Variants in ZNF280C observed in about 807,000 individuals in gnomAD.
The protein encoded by ZNF280C is suppressor of hairy wing homolog 3.
Under a neutral mutation model 53.6 loss-of-function variants are expected in ZNF280C, and 14 were observed. The observed-to-expected ratio is 0.26, with a 90% confidence interval of 0.17 to 0.41. The LOEUF (loss-of-function observed/expected upper bound fraction) is 0.41, where lower values mean the gene tolerates loss of function less well. ZNF280C is among the 10% of genes least tolerant of loss of function. The probability of loss-of-function intolerance (pLI) is 1.00; values close to 1 mark genes in which losing one functional copy is unlikely to be tolerated. For synonymous variants in ZNF280C, 203 were observed against 181.1 expected (o/e 1.12, Z -0.97); for missense variants, 416 against 547.1 (o/e 0.76, Z 2.39).
intron 6 of ZNF280C, among the ~76,000 whole-genome samples, chrX:130,239,358 A>G (rs1273501685): frequency 9.0e-6 from 1 of 111,517 alleles, no homozygotes; most frequent in Non-Finnish European, 1.9e-5. Flanking sequence ...AGTGCAAAGA[A>G]TATGTGCTAG....
At position 130,215,987 on chromosome X, in the gene ZNF280C, T is replaced by C. The variant is rs778205421; in HGVS notation, c.1642A>G (p.Thr548Ala). 8.3e-7 allele frequency: 1 copy of C among 1,211,391 alleles called. No individual in the cohort carries two copies. Residue 548 changes from threonine (T) to alanine (A), a missense_variant, in exon 14 of 19, where the codon ACT (threonine) becomes GCT (alanine). This residue lies in a region of ZNF280C where 151 missense variants were observed against 176.9 expected (regional missense o/e 0.85). Coordinates refer to ENST00000370978, the MANE Select transcript of ZNF280C (RefSeq NM_017666.5). ...TTAGATTTTCTAGGATTTCTAGCAG[T>C]TGTATTTTGAGATGTCGGAGGTGTG... ...QVTPPTSQNT[T>A]ARNPRKSNAS...
intron 9 of ZNF280C, among the ~76,000 whole-genome samples, chrX:130,230,034 T>C (rs774257759): frequency 8.8e-4 from 99 of 112,113 alleles, no homozygotes; most frequent in African/African-American, 3.1e-3. Flanking sequence ...TGGGTTTTTA[T>C]CTTTTTTCAC....
At chrX:130,221,314 G>A (rs1293364045) in intron 12 of ZNF280C, among the ~76,000 whole-genome samples, 1 of 111,694 alleles carries the variant, frequency 9.0e-6, no homozygotes, top group Non-Finnish European at 1.9e-5. Flanking sequence ...GTAATAGACA[G>A]CAAATTAAGA....
chrX:130,266,162 T>C (rs1361686277), intron 1 of ZNF280C, among the ~76,000 whole-genome samples: 6 of 112,640 alleles, frequency 5.3e-5, no homozygotes, highest in Non-Finnish European at 9.4e-5. Flanking sequence ...ACAAATTTAA[T>C]GAGAAAAGTA....
chrX:130,264,926 A>G (rs1288812647), intron 1 of ZNF280C, among the ~76,000 whole-genome samples: 3 of 111,695 alleles, frequency 2.7e-5, no homozygotes, highest in African/African-American at 9.8e-5. Flanking sequence ...AGAAAACTGG[A>G]TTATATCTTG....
chrX:130,204,854 G>C lies in ZNF280C; in HGVS notation c.*123C>G, dbSNP rs1348086131. 9 of 532,697 alleles carry C rather than the reference G, an allele frequency of 1.7e-5. No homozygotes were observed. Among genetic ancestry groups the C allele is most frequent in the Non-Finnish European group, 2.3e-5 (8 of 348,704 alleles). The allele number at this position is 532,697 out of a possible 1,213,427, so 43.9% of individuals were successfully genotyped here. On this transcript the variant is annotated 3_prime_UTR_variant, in exon 19 of 19. Coordinates refer to ENST00000370978, the MANE Select transcript of ZNF280C (RefSeq NM_017666.5). Reference sequence around the variant, plus strand: ...AAAGCTGAAAAGAGCTGAATAATGAGAGCTAGTGTCATAAACTTGGCTGTT... The same window carrying C: ...AAAGCTGAAAAGAGCTGAATAATGACAGCTAGTGTCATAAACTTGGCTGTT...
intron 8 of ZNF280C, among the ~76,000 whole-genome samples, chrX:130,233,590 C>A (rs1276671612): frequency 1.0e-5 from 1 of 96,300 alleles, no homozygotes; most frequent in East Asian, 3.3e-4. Context: ...CCATTGCACT[C>A]TAGCCTGGGC....
chrX:130,236,386 A>C, intron 7 of ZNF280C, 66 bp from the exon 8 acceptor site: 1 of 1,123,897 alleles, frequency 8.9e-7, no homozygotes, highest in Admixed American at 2.6e-5. Flanking sequence ...GACCACTAAT[A>C]ATGGTTTTAA....
At chrX:130,215,433 A>G (rs2032090346) in intron 14 of ZNF280C, 100 bp from the exon 15 acceptor site, 3 of 862,657 alleles carry the variant, frequency 3.5e-6, no homozygotes, top group Non-Finnish European at 4.7e-6. Context: ...AAATGTTTAA[A>G]TTGGTATCTT....
chrX:130,251,888 C>T (rs903942088), intron 2 of ZNF280C, among the ~76,000 whole-genome samples: 1 of 111,409 alleles, frequency 9.0e-6, no homozygotes, highest in African/African-American at 3.3e-5. Context: ...CCGGGGTGGG[C>T]GGATCACTTG....
In ZNF280C at chrX:130,205,107, T is replaced by C; in HGVS notation, c.2198+10A>G. On this transcript the variant is annotated intron_variant, in intron 18 of 18. Transcript: ENST00000370978. ...CAAAGCAAAATGCACTGAAGGAAAA[T>C]TAAACTTACCCAGTAGTGGGTTCAG... 2 of 1,193,459 alleles carry C rather than the reference T, an allele frequency of 1.7e-6. No homozygotes were observed. Among genetic ancestry groups the C allele is most frequent in the Non-Finnish European group, 1.1e-6 (1 of 888,282 alleles).
At chrX:130,217,819 G>A (rs1447827286) in intron 13 of ZNF280C, among the ~76,000 whole-genome samples, 3 of 112,062 alleles carry the variant, frequency 2.7e-5, no homozygotes, top group African/African-American at 9.7e-5. Context: ...GAATAATTAG[G>A]AGTAAAAATT....
chrX:130,218,511 T>C (rs1297947472), intron 13 of ZNF280C, among the ~76,000 whole-genome samples: 2 of 112,746 alleles, frequency 1.8e-5, no homozygotes, highest in African/African-American at 6.4e-5. Flanking sequence ...ACTAACATTT[T>C]CTTTAATCAT....
chrX:130,230,287 C>A (rs1246062109), intron 9 of ZNF280C, among the ~76,000 whole-genome samples: 7 of 111,235 alleles, frequency 6.3e-5, no homozygotes, highest in Non-Finnish European at 5.7e-5. Context: ...TACATTTTGT[C>A]TTTTCTTAAG....
At chrX:130,255,996 G>C (rs1193370324) in intron 2 of ZNF280C, among the ~76,000 whole-genome samples, 1 of 111,156 alleles carries the variant, frequency 9.0e-6, no homozygotes, top group Non-Finnish European at 1.9e-5. Context: ...AGTCAGGCAT[G>C]GTGGTGTGCA....
In ZNF280C at chrX:130,249,157, C is replaced by T. The variant is rs760466822; in HGVS notation, c.32-2152G>A. ...ACATGTACAAAGAGTGCATACAGTC[C>T]TGCAACGGCCAGTGCCCCATCCCCA... On this transcript the variant is annotated intron_variant, in intron 2 of 18. Transcript: ENST00000370978. Among the ~76,000 whole-genome samples, 4 of 111,683 alleles carry T rather than the reference C, an allele frequency of 3.6e-5. No individual in the cohort carries two copies. In the South Asian group the frequency reaches 1.5e-3, roughly 43 times the overall value.
In ZNF280C at chrX:130,243,787, A is replaced by G. The variant is rs756569780; in HGVS notation, c.244+13T>C. 8.4e-7 allele frequency: 1 copy of G among 1,186,203 alleles called. No individual in the cohort carries two copies. On this transcript the variant is annotated intron_variant, in intron 4 of 18. Transcript: ENST00000370978. ...TTTAACTTTAAAATTGAAATACTAC[A>G]GTAATACTGTACCTGGACTGTGTGG...
chrX:130,260,304 A>C (rs1285773675), intron 2 of ZNF280C, 115 bp downstream of exon 2: 1 of 490,773 alleles, frequency 2.0e-6, no homozygotes, highest in African/African-American at 2.6e-5. Context: ...ATAAATAAAT[A>C]AATAATATTT....
At chrX:130,230,970 G>C (rs771366169) in intron 8 of ZNF280C, among the ~76,000 whole-genome samples, 1 of 111,111 alleles carries the variant, frequency 9.0e-6, no homozygotes, top group South Asian at 3.8e-4. Context: ...TTAAGATCAG[G>C]GGATGTTTAT....
Sources: gnomAD v4.1 joint callset for allele counts (sites outside exome capture counted in the v4.1 genomes callset) on GRCh38, gnomAD v4.1.1 for gene constraint, gnomAD v4.1.1 regional missense constraint, MANE v1.5 for transcripts, NCBI Gene and HGNC (gene_info 2026-07-23, HGNC 2026-07-21) for gene names.